Variants in FAM156A observed in about 807,000 individuals in gnomAD.
FAM156A encodes the protein family with sequence similarity 156 member A.
chrX:52,977,264 CCT>C (rs1302149846), intron 1 of FAM156A, among the ~76,000 whole-genome samples: 1 of 108,466 alleles, frequency 9.2e-6, no homozygotes, highest in African/African-American at 3.4e-5. Context: ...ATTCCTTGCC[CCT>C]GTCTGCCCTA....
intron 1 of FAM156A, among the ~76,000 whole-genome samples, chrX:52,979,817 G>A (rs1353460349): frequency 2.7e-5 from 3 of 112,261 alleles, no homozygotes; most frequent in Non-Finnish European, 5.6e-5. Flanking sequence ...CCCTCCTGGG[G>A]AACATTGTGT....
chrX:52,975,643 A>G (rs1929413567), intron 1 of FAM156A, among the ~76,000 whole-genome samples: 1 of 111,118 alleles, frequency 9.0e-6, no homozygotes, highest in Non-Finnish European at 1.9e-5. Flanking sequence ...CTATTGCACT[A>G]TGTGTTTTCT....
rs183104241 is a variant in FAM156A, at chrX:52,990,321, A to G, written c.-434+4985T>C. Among the ~76,000 whole-genome samples the G allele has an allele frequency of 2.7e-5, 3 of 111,537 alleles. No homozygotes were observed. In the Admixed American group the frequency reaches 2.8e-4, roughly 11 times the overall value. ...CACAGGCTTCAGTCAGGCTTCCCTG[A>G]CTGAAAGGAAAAGGTCACTTTGACT... On this transcript the variant is annotated intron_variant, in intron 1 of 4. Coordinates refer to the FAM156A transcript ENST00000610625.
chrX:52,979,108 A>G (rs1929688487), intron 1 of FAM156A, among the ~76,000 whole-genome samples: 1 of 111,879 alleles, frequency 8.9e-6, no homozygotes, highest in African/African-American at 3.3e-5. Context: ...GAGGTTCAGA[A>G]GAGCAACCTC....
chrX:52,985,576 C>CA (rs56173971), intron 1 of FAM156A, among the ~76,000 whole-genome samples: 18,464 of 109,193 alleles, frequency 0.17, 1,238 homozygotes, highest in Middle Eastern at 0.22. Flanking sequence ...AGACTGAAAA[C>CA]AAAAAAAAGA....
At position 52,981,648 on chromosome X, in the gene FAM156A, C is replaced by T. The variant is rs1399432876; in HGVS notation, c.-434+13658G>A. On this transcript the variant is annotated intron_variant, in intron 1 of 4. Transcript: ENST00000610625. ...GTCCAGGTTCTGTTAACCATTGACACCAGTTCCTCCTCTTCACAAGCATGG... is the reference window on the plus strand; with the variant it reads ...GTCCAGGTTCTGTTAACCATTGACATCAGTTCCTCCTCTTCACAAGCATGG... Among the ~76,000 whole-genome samples the T allele has an allele frequency of 5.4e-5, 6 of 111,579 alleles. No homozygotes were observed. The East Asian group carries it at 1.7e-3, about 31-fold the overall frequency.
intron 1 of FAM156A, among the ~76,000 whole-genome samples, chrX:52,975,028 G>A (rs781824551): frequency 1.0e-5 from 1 of 100,483 alleles, no homozygotes; most frequent in African/African-American, 3.6e-5. Context: ...TTTCAGGTGC[G>A]CCCTCCCTCT....
chrX:52,983,761 C>T (rs1930073449), intron 1 of FAM156A, among the ~76,000 whole-genome samples: 1 of 112,321 alleles, frequency 8.9e-6, no homozygotes, highest in Non-Finnish European at 1.9e-5. Context: ...TGGCAAAAGA[C>T]GCCAAGGAAT....
intron 1 of FAM156A, among the ~76,000 whole-genome samples, chrX:52,982,740 C>T (rs1556793661): frequency 1.8e-5 from 2 of 112,486 alleles, no homozygotes; most frequent in Middle Eastern, 4.6e-3. Context: ...ACCAATAATA[C>T]ACATCATGTT....
chrX:52,988,161 G>A (rs980566628), intron 1 of FAM156A, among the ~76,000 whole-genome samples: 46 of 108,469 alleles, frequency 4.2e-4, no homozygotes, highest in African/African-American at 1.5e-3. Flanking sequence ...GAATAGAATC[G>A]CTTGAACCCG....
At chrX:52,993,408 CTTTTTTTTTTTTT>C (rs147840894) in intron 1 of FAM156A, among the ~76,000 whole-genome samples, 7 of 42,592 alleles carry the variant, frequency 1.6e-4, no homozygotes, top group African/African-American at 5.3e-4. Context: ...TCTTAACTTT[CTTTTTTTTTTTTT>C]TTTTTTTTTT....
At chrX:52,982,711 A>C (rs782805150) in intron 1 of FAM156A, among the ~76,000 whole-genome samples, 2 of 112,743 alleles carry the variant, frequency 1.8e-5, no homozygotes, top group South Asian at 7.2e-4. Flanking sequence ...TTTTCAGAGA[A>C]AAAAATTTTA....
chrX:52,988,898 T>C (rs1266923029), intron 1 of FAM156A, among the ~76,000 whole-genome samples: 2 of 112,385 alleles, frequency 1.8e-5, no homozygotes, highest in East Asian at 5.5e-4. Context: ...CAAGTAGGGT[T>C]ACTCTATGAA....
chrX:52,986,150 T>C (rs1183588963), intron 1 of FAM156A, among the ~76,000 whole-genome samples: 1 of 109,666 alleles, frequency 9.1e-6, no homozygotes. Context: ...ATGGGATGGC[T>C]GGGTCAAATG....
chrX:52,994,823 TAAA>T (rs1478025001), intron 1 of FAM156A, among the ~76,000 whole-genome samples: 6 of 109,836 alleles, frequency 5.5e-5, no homozygotes, highest in Non-Finnish European at 1.1e-4. Context: ...AAATAAAAAA[TAAA>T]AAACTTAGCC....
chrX:52,991,754 GC>G (rs1294252710), intron 1 of FAM156A, among the ~76,000 whole-genome samples: 4 of 110,533 alleles, frequency 3.6e-5, no homozygotes, highest in African/African-American at 1.3e-4. Flanking sequence ...CAGAATAGTG[GC>G]CCCCCAAACA....
At chrX:52,990,651 G>A (rs1434670293) in intron 1 of FAM156A, among the ~76,000 whole-genome samples, 5 of 110,075 alleles carry the variant, frequency 4.5e-5, no homozygotes, top group Admixed American at 2.0e-4. Context: ...ATGCATGTTG[G>A]CGTGCACCTG....
intron 1 of FAM156A, among the ~76,000 whole-genome samples, chrX:52,991,750 A>G (rs904276737): frequency 5.4e-5 from 6 of 111,022 alleles, no homozygotes; most frequent in Admixed American, 1.9e-4. Flanking sequence ...TAGGCAGAAT[A>G]GTGGCCCCCC....
At chrX:52,991,198 A>G (rs1467712366) in intron 1 of FAM156A, among the ~76,000 whole-genome samples, 5 of 111,457 alleles carry the variant, frequency 4.5e-5, no homozygotes, top group South Asian at 3.8e-4. Flanking sequence ...TGCCATCTCC[A>G]TCTGCAAGCT....
Sources: allele counts gnomAD v4.1 joint callset (sites outside exome capture counted in the v4.1 genomes callset), GRCh38; gene constraint gnomAD v4.1.1; transcripts MANE v1.5; gene names NCBI Gene and HGNC (gene_info 2026-07-23, HGNC 2026-07-21).